The following ERC2 variants were observed in gnomAD, a reference collection of about 807,000 sequenced individuals.
The protein encoded by ERC2 is ELKS/RAB6-interacting/CAST family member 2, also known as ERC protein 2.
ERC2 carries 42 observed loss-of-function variants against 114.8 expected under a neutral mutation model. The observed-to-expected ratio is 0.37, with a 90% CI of 0.29 to 0.47. The LOEUF (loss-of-function observed/expected upper bound fraction) is 0.47, where lower values mean the gene tolerates loss of function less well. Ranked by LOEUF, ERC2 falls within the 20% of genes least tolerant of loss-of-function variation. The pLI is 0.99. For missense variants in ERC2, 939 were observed against 1,150.7 expected, an observed-to-expected ratio of 0.82 and a Z score of 2.66; for synonymous variants, 454 against 425.5, an observed-to-expected ratio of 1.07 and a Z score of -0.82.
At chr3:56,304,044 A>G (rs2056068627) in intron 2 of ERC2, among the ~76,000 whole-genome samples, 1 of 152,258 alleles carries the variant, frequency 6.6e-6, no homozygotes, top group Non-Finnish European at 1.5e-5. Context: ...TTCAGCAGAA[A>G]TATAGAATTG....
At chr3:55,927,741 C>T (rs775848944) in intron 13 of ERC2, among the ~76,000 whole-genome samples, 6 of 152,058 alleles carry the variant, frequency 3.9e-5, no homozygotes, top group South Asian at 4.1e-4. Flanking sequence ...CCCCACTCCC[C>T]GACTCCAACC....
At chr3:55,976,297 G>A (rs1216032381) in intron 12 of ERC2, among the ~76,000 whole-genome samples, 1 of 152,034 alleles carries the variant, frequency 6.6e-6, no homozygotes, top group Non-Finnish European at 1.5e-5. Flanking sequence ...CCCATCCTGG[G>A]TCCAAGGTGA....
chr3:56,230,644 A>G lies in ERC2; in HGVS notation c.1075-57124T>C, dbSNP rs192659546. Among the ~76,000 whole-genome samples the G allele has an allele frequency of 2.8e-3, 429 of 152,346 alleles. 1 individual carries two copies. The highest frequency in any genetic ancestry group is 9.8e-3 in the African/African-American group (409 of 41,580). On this transcript the variant is annotated intron_variant, in intron 3 of 17. Transcript: ENST00000288221. Reference sequence around the variant, plus strand: ...AATTCAAAGTCATTGCTCAGGAAAAAAAAAAGAATTTTATAATTTATGTAT... The same window carrying G: ...AATTCAAAGTCATTGCTCAGGAAAAGAAAAAGAATTTTATAATTTATGTAT...
intron 10 of ERC2, 137 bp downstream of exon 10, chr3:56,007,044 A>G (rs967270996): frequency 5.6e-6 from 4 of 712,112 alleles, no homozygotes; most frequent in Non-Finnish European, 8.8e-6. Flanking sequence ...AATAAAGTTA[A>G]GAGTATTTAA....
intron 4 of ERC2, among the ~76,000 whole-genome samples, chr3:56,170,605 T>TG (rs1553861451): frequency 5.7e-5 from 8 of 141,384 alleles, no homozygotes; most frequent in African/African-American, 2.1e-4. Context: ...TTTTTTTTTT[T>TG]TTTTTTTTTG....
chr3:56,425,715 G>A (rs1326124532), intron 2 of ERC2, among the ~76,000 whole-genome samples: 1 of 152,088 alleles, frequency 6.6e-6, no homozygotes, highest in Non-Finnish European at 1.5e-5. Flanking sequence ...ACATGCCATG[G>A]CTTGTTGGGG....
At chr3:55,631,359 A>G (rs1046100144) in intron 17 of ERC2, among the ~76,000 whole-genome samples, 1 of 152,232 alleles carries the variant, frequency 6.6e-6, no homozygotes, top group Non-Finnish European at 1.5e-5. Context: ...CTAAATGCTC[A>G]GATGCACAAG....
chr3:55,652,057 C>G (rs1258058482), intron 17 of ERC2, among the ~76,000 whole-genome samples: 1 of 152,196 alleles, frequency 6.6e-6, no homozygotes, highest in African/African-American at 2.4e-5. Flanking sequence ...GCGGGATAAG[C>G]CATTTTCCTT....
intron 14 of ERC2, among the ~76,000 whole-genome samples, chr3:55,781,002 T>C (rs1016502807): frequency 2.0e-5 from 3 of 152,246 alleles, no homozygotes; most frequent in Non-Finnish European, 4.4e-5. Context: ...TGAAGGAAGC[T>C]ATCAGTGACA....
At chr3:55,736,474 G>A (rs566425063) in intron 14 of ERC2, among the ~76,000 whole-genome samples, 14 of 152,158 alleles carry the variant, frequency 9.2e-5, no homozygotes, top group African/African-American at 3.1e-4. Flanking sequence ...TGTCCAAGTC[G>A]GTCATCTGTC....
At position 56,141,731 on chromosome 3, in the gene ERC2, T is replaced by G. The variant is rs532060466; in HGVS notation, c.1306-2055A>C. 2.6e-5 allele frequency among the ~76,000 whole-genome samples: 4 copies of G among 152,238 alleles called. No individual in the cohort carries two copies. The South Asian group carries it at 8.3e-4, about 32-fold the overall frequency. ...CCATTTTTCAACTTTCATATGTTAT[T>G]GTAATGAATTGCATTAATGAAATTT... is the stretch of plus-strand genomic sequence containing the variant. On this transcript the variant is annotated intron_variant, in intron 5 of 17. Coordinates refer to ENST00000288221, the MANE Select transcript of ERC2 (RefSeq NM_015576.3).
chr3:56,303,231 T>G (rs1303061142), intron 2 of ERC2, among the ~76,000 whole-genome samples: 2 of 152,246 alleles, frequency 1.3e-5, no homozygotes, highest in Non-Finnish European at 2.9e-5. Flanking sequence ...ATTTTTTACA[T>G]TTATCCTGAT....
At chr3:55,628,552 T>C (rs1160079670) in intron 17 of ERC2, among the ~76,000 whole-genome samples, 1 of 152,218 alleles carries the variant, frequency 6.6e-6, no homozygotes, top group Non-Finnish European at 1.5e-5. Context: ...TACTTCTTTC[T>C]GTTTACTCTG....
chr3:56,376,851 C>A (rs1433854649), intron 2 of ERC2, among the ~76,000 whole-genome samples: 1 of 151,918 alleles, frequency 6.6e-6, no homozygotes, highest in African/African-American at 2.4e-5. Flanking sequence ...TCTAGTAGAA[C>A]CAGAACAGAG....
intron 15 of ERC2, 153 bp from the exon 16 acceptor site, chr3:55,699,665 C>A (rs768221985): frequency 7.2e-6 from 6 of 831,530 alleles, no homozygotes; most frequent in South Asian, 2.6e-5. Flanking sequence ...AAAGAAAGCA[C>A]CATGACATTA....
intron 2 of ERC2, among the ~76,000 whole-genome samples, chr3:56,418,730 A>G (rs995117018): frequency 2.6e-5 from 4 of 152,218 alleles, no homozygotes; most frequent in Admixed American, 1.3e-4. Context: ...AGGTGGGTAC[A>G]CTAAATGGGA....
At chr3:56,129,622 A>C (rs1429401336) in intron 6 of ERC2, among the ~76,000 whole-genome samples, 1 of 152,226 alleles carries the variant, frequency 6.6e-6, no homozygotes, top group African/African-American at 2.4e-5. Flanking sequence ...ACCATTTACC[A>C]GTAAGTAACA....
At chr3:55,750,208 T>C (rs2066599808) in intron 14 of ERC2, among the ~76,000 whole-genome samples, 1 of 152,158 alleles carries the variant, frequency 6.6e-6, no homozygotes, top group South Asian at 2.1e-4. Flanking sequence ...AGATAAATAA[T>C]AGTTTATTAA....
At chr3:55,731,591 C>T (rs2065255005) in intron 15 of ERC2, among the ~76,000 whole-genome samples, 1 of 152,168 alleles carries the variant, frequency 6.6e-6, no homozygotes, top group Admixed American at 6.5e-5. Context: ...ACAGGATTCA[C>T]CTTAAACAGC....
Sources: gnomAD v4.1 joint callset for allele counts (sites outside exome capture counted in the v4.1 genomes callset) on GRCh38, gnomAD v4.1.1 for gene constraint, MANE v1.5 for transcripts, NCBI Gene and HGNC (gene_info 2026-07-23, HGNC 2026-07-21) for gene names.